CTNNA3: variants seen among roughly 807,000 people sequenced by gnomAD.
CTNNA3 encodes catenin alpha-3.
CTNNA3 carries 76 observed loss-of-function variants against 95.7 expected under a neutral mutation model. The observed-to-expected ratio is 0.79, with a 90% confidence interval of 0.66 to 0.96. The LOEUF (loss-of-function observed/expected upper bound fraction) is 0.96. Ranked by LOEUF, CTNNA3 falls within the 40% of genes least tolerant of loss-of-function variation. The probability of loss-of-function intolerance (pLI) is 0.00; values close to 1 mark genes in which losing one functional copy is unlikely to be tolerated. For synonymous variants in CTNNA3, 431 were observed against 374.4 expected, an observed-to-expected ratio of 1.15 and a Z score of -1.74; for missense variants, 1,191 against 1,089.8, an observed-to-expected ratio of 1.09 and a Z score of -1.31.
intron 5 of CTNNA3, among the ~76,000 whole-genome samples, chr10:67,481,033 T>C (rs1057373145): frequency 1.3e-5 from 2 of 152,232 alleles, no homozygotes; most frequent in Admixed American, 1.3e-4. Context: ...TTAAAAGGTT[T>C]TTCTGTGTCC....
rs767373546 is a variant in CTNNA3, at chr10:65,966,594, G to C, written c.2400+18C>G. 13 of 1,609,446 alleles carry C rather than the reference G, an allele frequency of 8.1e-6. No homozygotes were observed. Among genetic ancestry groups the C allele is most frequent in the Non-Finnish European group, 1.1e-5 (13 of 1,177,012 alleles). On this transcript the variant is annotated intron_variant, in intron 17 of 17. Transcript: ENST00000433211. The stretch of plus-strand genomic sequence containing the variant: ...GCATCTTCCACCTGTGATCATGTAA[G>C]TGCTAGGCAGTACTCACAGCTGACA...
At chr10:66,368,353 C>T (rs2092728669) in intron 12 of CTNNA3, among the ~76,000 whole-genome samples, 1 of 151,936 alleles carries the variant, frequency 6.6e-6, no homozygotes, top group Admixed American at 6.6e-5. Context: ...TAGATAGAGG[C>T]TTTTGCTGCT....
intron 12 of CTNNA3, among the ~76,000 whole-genome samples, chr10:66,360,642 T>C (rs183723770): frequency 0.012 from 719 of 62,364 alleles, 10 homozygotes; most frequent in African/African-American, 0.039. Flanking sequence ...TTTCTTTCTT[T>C]CTTTCTTTCT....
chr10:67,458,155 A>G (rs537103218), intron 5 of CTNNA3, among the ~76,000 whole-genome samples: 17 of 152,206 alleles, frequency 1.1e-4, no homozygotes, highest in African/African-American at 3.9e-4. Flanking sequence ...TCCCTCATTT[A>G]CCATCAGAAA....
At chr10:66,755,824 T>C (rs1043932606) in intron 9 of CTNNA3, among the ~76,000 whole-genome samples, 1 of 152,182 alleles carries the variant, frequency 6.6e-6, no homozygotes, top group Non-Finnish European at 1.5e-5. Flanking sequence ...CTTTAGTTCA[T>C]AGTTTAGAAG....
intron 3 of CTNNA3, among the ~76,000 whole-genome samples, chr10:67,594,577 T>C (rs1842881644): frequency 6.6e-6 from 1 of 152,114 alleles, no homozygotes; most frequent in Admixed American, 6.6e-5. Context: ...GTTTTTTATG[T>C]TTCTGTGAGG....
At position 67,293,016 on chromosome 10, in the gene CTNNA3, A is replaced by G. The variant is rs181349101; in HGVS notation, c.580-73146T>C. On this transcript the variant is annotated intron_variant, in intron 5 of 17. Coordinates refer to ENST00000433211, the MANE Select transcript of CTNNA3 (RefSeq NM_013266.4). ...GATATTGAATCATATAAATTCCTAAAGAGAATTAGTAGATTAAGAAGAGTC... is the reference window on the plus strand; with the variant it reads ...GATATTGAATCATATAAATTCCTAAGGAGAATTAGTAGATTAAGAAGAGTC... Among the ~76,000 whole-genome samples, 37 of 152,212 alleles carry G rather than the reference A, an allele frequency of 2.4e-4. No homozygotes were observed. The East Asian group carries it at 2.9e-3, about 12-fold the overall frequency.
At chr10:67,679,944 G>A (rs991580146) in intron 1 of CTNNA3, among the ~76,000 whole-genome samples, 4 of 152,062 alleles carry the variant, frequency 2.6e-5, no homozygotes, top group South Asian at 2.1e-4. Context: ...AGCAACAAAA[G>A]GTAGAAACAA....
intron 7 of CTNNA3, among the ~76,000 whole-genome samples, chr10:67,051,087 T>G (rs1855061080): frequency 6.6e-6 from 1 of 152,166 alleles, no homozygotes; most frequent in Non-Finnish European, 1.5e-5. Flanking sequence ...AGATACAAAT[T>G]AACCAATAAA....
chr10:66,379,130 C>T, intron 12 of CTNNA3, 22 bp downstream of exon 12: 1 of 1,571,146 alleles, frequency 6.4e-7, no homozygotes, highest in South Asian at 1.1e-5. Flanking sequence ...AATTGTGCAG[C>T]TGTTATTGGC....
intron 7 of CTNNA3, among the ~76,000 whole-genome samples, chr10:66,871,156 G>A (rs1192140907): frequency 6.6e-6 from 1 of 152,202 alleles, no homozygotes; most frequent in Admixed American, 6.5e-5. Flanking sequence ...GCAGAAAGCA[G>A]AGGGCGAATA....
At chr10:66,403,321 C>T (rs1015851747) in intron 11 of CTNNA3, among the ~76,000 whole-genome samples, 1 of 149,308 alleles carries the variant, frequency 6.7e-6, no homozygotes, top group Non-Finnish European at 1.5e-5. Flanking sequence ...CATTCTTACA[C>T]CTCTATAAAG....
At chr10:67,137,994 C>A (rs1023347131) in intron 7 of CTNNA3, among the ~76,000 whole-genome samples, 1 of 151,682 alleles carries the variant, frequency 6.6e-6, no homozygotes, top group Non-Finnish European at 1.5e-5. Context: ...AAATTGTGTC[C>A]TTTCTTGGGA....
At chr10:66,404,008 G>A (rs2093038912) in intron 11 of CTNNA3, among the ~76,000 whole-genome samples, 1 of 152,008 alleles carries the variant, frequency 6.6e-6, no homozygotes, top group South Asian at 2.1e-4. Context: ...CAGGAGTTAT[G>A]TGGTCAGGAG....
intron 3 of CTNNA3, among the ~76,000 whole-genome samples, chr10:67,550,305 T>A (rs1196402853): frequency 6.6e-6 from 1 of 152,158 alleles, no homozygotes. Context: ...CTCTAAATAA[T>A]GCTCCCAGTG....
chr10:66,010,143 C>T (rs1224851749), intron 15 of CTNNA3, among the ~76,000 whole-genome samples: 2 of 108,572 alleles, frequency 1.8e-5, no homozygotes, highest in African/African-American at 3.3e-5. Flanking sequence ...TATCCGAAAA[C>T]ATTGTTCATT....
At chr10:66,576,844 A>G in intron 10 of CTNNA3, among the ~76,000 whole-genome samples, 1 of 151,542 alleles carries the variant, frequency 6.6e-6, no homozygotes, top group Non-Finnish European at 1.5e-5. Context: ...TTGGGTGTAT[A>G]CCCAATAGTG....
intron 14 of CTNNA3, among the ~76,000 whole-genome samples, chr10:66,098,427 C>T (rs1347744379): frequency 6.6e-6 from 1 of 151,956 alleles, no homozygotes; most frequent in Non-Finnish European, 1.5e-5. Context: ...GAAAAGATAA[C>T]AAAAAATAAG....
chr10:66,832,638 A>T (rs1475920826), intron 7 of CTNNA3, among the ~76,000 whole-genome samples: 3 of 152,048 alleles, frequency 2.0e-5, no homozygotes, highest in Non-Finnish European at 2.9e-5. Context: ...TTCAAAAAAA[A>T]AAAAGGAAGA....
Sources: gnomAD v4.1 joint callset for allele counts (sites outside exome capture counted in the v4.1 genomes callset) on GRCh38, gnomAD v4.1.1 for gene constraint, MANE v1.5 for transcripts, NCBI Gene and HGNC (gene_info 2026-07-23, HGNC 2026-07-21) for gene names.